Variants in DSCAML1 observed in about 807,000 individuals in gnomAD.
DSCAML1 encodes the protein cell adhesion molecule DSCAML1.
In DSCAML1, 38 loss-of-function variants were observed where a neutral mutation model predicts 200.5. That is an observed-to-expected ratio of 0.19 (90% CI 0.15 to 0.25). The LOEUF is 0.25. DSCAML1 is among the 10% of genes least tolerant of loss of function. The pLI is 1.00. For missense variants in DSCAML1, 2,223 were observed against 2,858.8 expected, an observed-to-expected ratio of 0.78 and a Z score of 5.07; for synonymous variants, 1,215 against 1,165.0, an observed-to-expected ratio of 1.04 and a Z score of -0.87.
intron 3 of DSCAML1, among the ~76,000 whole-genome samples, chr11:117,562,041 A>G (rs1182358718): frequency 6.6e-6 from 1 of 152,142 alleles, no homozygotes; most frequent in Non-Finnish European, 1.5e-5. Flanking sequence ...GGAGGCGTAG[A>G]CTCACAGCCT....
Position 117,464,130 on chromosome 11 carries a change from T to A in DSCAML1, c.3265+812A>T, listed in dbSNP as rs181903645. 1.1e-4 allele frequency among the ~76,000 whole-genome samples: 17 copies of A among 152,156 alleles called. No individual in the cohort carries two copies. In the East Asian group the frequency reaches 3.1e-3, roughly 28 times the overall value. Reference sequence around the variant, plus strand: ...CTCCGGACTGTTGGTTTCGCTCTGTTGGGGCGGGGTGGGTAGGCTCTGACT... The same window carrying A: ...CTCCGGACTGTTGGTTTCGCTCTGTAGGGGCGGGGTGGGTAGGCTCTGACT... On this transcript the variant is annotated intron_variant, in intron 17 of 32. Transcript: ENST00000651296.
chr11:117,740,744 C>T (rs1001724120), intron 3 of DSCAML1, among the ~76,000 whole-genome samples: 1 of 152,238 alleles, frequency 6.6e-6, no homozygotes, highest in Non-Finnish European at 1.5e-5. Flanking sequence ...CATGGCCATC[C>T]TAACTCCAAG....
At chr11:117,800,145 G>A (rs1204962461), upstream of DSCAML1, among the ~76,000 whole-genome samples, 1 of 152,178 alleles carries the variant, frequency 6.6e-6, no homozygotes. Context: ...AGTATCTAGG[G>A]AAATGTCTTT....
intron 1 of DSCAML1, among the ~76,000 whole-genome samples, chr11:117,810,224 C>CT (rs1477397501): frequency 2.5e-4 from 37 of 150,400 alleles, no homozygotes; most frequent in Middle Eastern, 3.4e-3. Context: ...ACTCCGTGGA[C>CT]CCAAACTCCG....
chr11:117,460,421 A>C (rs1191491518), intron 18 of DSCAML1, among the ~76,000 whole-genome samples: 1 of 152,132 alleles, frequency 6.6e-6, no homozygotes, highest in African/African-American at 2.4e-5. Flanking sequence ...TGTGAGCTGG[A>C]TTCCAAGGTC....
intron 31 of DSCAML1, 89 bp from the exon 32 acceptor site, chr11:117,431,122 G>T: frequency 7.5e-7 from 1 of 1,340,702 alleles, no homozygotes; most frequent in Non-Finnish European, 1.0e-6. Context: ...AACCCCAGCA[G>T]CCATCTGTAA....
intron 3 of DSCAML1, among the ~76,000 whole-genome samples, chr11:117,747,067 C>A (rs1323981663): frequency 6.6e-6 from 1 of 152,110 alleles, no homozygotes; most frequent in Non-Finnish European, 1.5e-5. Context: ...CATCTAACTG[C>A]CACCCCTGAG....
At chr11:117,531,454 C>A (rs75074207) in intron 4 of DSCAML1, among the ~76,000 whole-genome samples, 1 of 152,116 alleles carries the variant, frequency 6.6e-6, no homozygotes, top group African/African-American at 2.4e-5. Flanking sequence ...CTATCCCTCC[C>A]GAGAAGCTAT....
At chr11:117,609,020 A>AAACG (rs2051630635) in intron 3 of DSCAML1, among the ~76,000 whole-genome samples, 1 of 114,626 alleles carries the variant, frequency 8.7e-6, no homozygotes, top group Non-Finnish European at 1.9e-5. Context: ...ACAAACAAAC[A>AAACG]AACAAACAAA....
chr11:117,649,230 C>T (rs1038183240), intron 3 of DSCAML1, among the ~76,000 whole-genome samples: 4 of 151,958 alleles, frequency 2.6e-5, no homozygotes, highest in African/African-American at 9.7e-5. Context: ...GGCGTGCACC[C>T]CCACACCAGG....
chr11:117,789,487 C>A (rs1028464036), intron 1 of DSCAML1, among the ~76,000 whole-genome samples: 1 of 152,146 alleles, frequency 6.6e-6, no homozygotes, highest in African/African-American at 2.4e-5. Context: ...GTCATCTACC[C>A]CAGGGACACA....
chr11:117,473,176 CT>C (rs1388667804), intron 14 of DSCAML1, among the ~76,000 whole-genome samples: 3 of 151,542 alleles, frequency 2.0e-5, no homozygotes, highest in Admixed American at 2.0e-4. Flanking sequence ...TCTAGAAAGA[CT>C]AAAAAAATTT....
At chr11:117,550,299 A>G (rs2050445966) in intron 3 of DSCAML1, among the ~76,000 whole-genome samples, 1 of 152,208 alleles carries the variant, frequency 6.6e-6, no homozygotes. Context: ...AACTGGGCTC[A>G]TAGAGATTCA....
rs768298862 is a variant in DSCAML1 at position 117,430,360 on chromosome 11, A to AG, written c.5686+361dup. 5.8e-4 allele frequency among the ~76,000 whole-genome samples: 88 copies of AG among 152,256 alleles called. 1 individual carries two copies. The highest frequency in any genetic ancestry group is 2.1e-3 in the African/African-American group (86 of 41,462). On this transcript the variant is annotated intron_variant, in intron 32 of 32. Transcript: ENST00000651296. ...TCCATCCTGGCACAGCTTCAGATTAAGGGGATGCTCACTACCGAATGAATG... is the reference window on the plus strand; with the variant it reads ...TCCATCCTGGCACAGCTTCAGATTAAGGGGGATGCTCACTACCGAATGAATG...
At chr11:117,589,355 C>G (rs2051213465) in intron 3 of DSCAML1, among the ~76,000 whole-genome samples, 2 of 152,226 alleles carry the variant, frequency 1.3e-5, no homozygotes, top group African/African-American at 2.4e-5. Context: ...TGCTCAAACT[C>G]TCTTTTTATT....
chr11:117,575,542 C>G (rs2050917020), intron 3 of DSCAML1, among the ~76,000 whole-genome samples: 1 of 152,206 alleles, frequency 6.6e-6, no homozygotes, highest in African/African-American at 2.4e-5. Flanking sequence ...TGGTGATTTG[C>G]TGTATGGCTG....
At chr11:117,662,366 G>A (rs1458039973) in intron 3 of DSCAML1, among the ~76,000 whole-genome samples, 1 of 152,226 alleles carries the variant, frequency 6.6e-6, no homozygotes, top group African/African-American at 2.4e-5. Context: ...AGACGGCTTC[G>A]AAATGTGAAG....
At chr11:117,722,681 G>C (rs943299425) in intron 3 of DSCAML1, among the ~76,000 whole-genome samples, 1 of 151,986 alleles carries the variant, frequency 6.6e-6, no homozygotes, top group East Asian at 1.9e-4. Flanking sequence ...AAAGAAAAAC[G>C]AAACAATAAA....
chr11:117,629,715 G>T (rs2052131697), intron 3 of DSCAML1, among the ~76,000 whole-genome samples: 1 of 152,152 alleles, frequency 6.6e-6, no homozygotes, highest in Admixed American at 6.5e-5. Context: ...AGAGAGCAGG[G>T]AGAAGCCATG....
Sources: gnomAD v4.1 joint callset for allele counts (sites outside exome capture counted in the v4.1 genomes callset) on GRCh38, gnomAD v4.1.1 for gene constraint, MANE v1.5 for transcripts, NCBI Gene and HGNC (gene_info 2026-07-23, HGNC 2026-07-21) for gene names.